FBXO39: variants seen among roughly 807,000 people sequenced by gnomAD.
FBXO39 encodes F-box protein 39.
In FBXO39, 22 loss-of-function variants were observed where a neutral mutation model predicts 36.6. The observed-to-expected ratio is 0.60, with a 90% CI of 0.43 to 0.86. The LOEUF (loss-of-function observed/expected upper bound fraction) is 0.86, where lower values mean the gene tolerates loss of function less well. Among genes scored for constraint, FBXO39 ranks in the 40% least tolerant of loss-of-function variants. FBXO39 has a pLI of 0.00. For synonymous variants in FBXO39, 206 were observed against 205.8 expected (o/e 1.00, Z -0.01); for missense variants, 536 against 543.9 (o/e 0.99, Z 0.14).
chr17:6,777,813 G>A lies in FBXO39; in HGVS notation c.-81+1541G>A, dbSNP rs1023842471. ...TAGCAGAAGGAGGCAAGCTAAATACGGACACAGCCATGCTGGGAACCACTA... is the reference window on the plus strand; with the variant it reads ...TAGCAGAAGGAGGCAAGCTAAATACAGACACAGCCATGCTGGGAACCACTA... On this transcript the variant is annotated intron_variant, in intron 1 of 3. Coordinates refer to ENST00000321535, the MANE Select transcript of FBXO39 (RefSeq NM_153230.3). 9.8e-4 allele frequency among the ~76,000 whole-genome samples: 149 copies of A among 152,200 alleles called. 1 individual carries two copies. The highest frequency in any genetic ancestry group is 3.3e-3 in the African/African-American group (135 of 41,444).
chr17:6,781,709 T>C (rs1000063722), intron 2 of FBXO39, among the ~76,000 whole-genome samples: 1 of 152,088 alleles, frequency 6.6e-6, no homozygotes, highest in Non-Finnish European at 1.5e-5. Flanking sequence ...GTACACTGCC[T>C]CCAAATTCCA....
At chr17:6,784,138 TAAC>T (rs1405013035) in intron 2 of FBXO39, among the ~76,000 whole-genome samples, 3 of 152,196 alleles carry the variant, frequency 2.0e-5, no homozygotes, top group African/African-American at 7.2e-5. Context: ...TGACACCTCA[TAAC>T]AACAGAATGA....
chr17:6,784,953 G>GTATATATATATATATATATATATATA (rs1235738371), intron 2 of FBXO39, among the ~76,000 whole-genome samples: 8 of 113,818 alleles, frequency 7.0e-5, no homozygotes, highest in African/African-American at 2.2e-4. Flanking sequence ...GTGTGTGTGT[G>GTATATATATATATATATATATATATA]TATATATATA....
intron 2 of FBXO39, 101 bp downstream of exon 2, chr17:6,780,992 T>C: frequency 7.8e-7 from 1 of 1,280,862 alleles, no homozygotes. Context: ...AAATGTTCAC[T>C]CAATCTCAAA....
At chr17:6,787,103 G>A (rs2151575786) in intron 3 of FBXO39, 147 bp downstream of exon 3, 3 of 1,310,184 alleles carry the variant, frequency 2.3e-6, no homozygotes, top group Non-Finnish European at 3.1e-6. Flanking sequence ...GGAATCTGGA[G>A]CTCTCTTTTC....
chr17:6,779,110 G>A (rs1357311087), intron 1 of FBXO39, among the ~76,000 whole-genome samples: 1 of 152,102 alleles, frequency 6.6e-6, no homozygotes, highest in Admixed American at 6.5e-5. Context: ...AATGTAGCTA[G>A]ATACAGGAAG....
Position 6,780,070 on chromosome 17 carries a change from TC to T in FBXO39, c.204del (p.Arg69GlyfsTer29). 1 of 1,614,196 alleles carries T rather than the reference TC, an allele frequency of 6.2e-7. No individual in the cohort carries two copies. The highest frequency in any genetic ancestry group is 8.5e-7 in the Non-Finnish European group (1 of 1,180,036). ...AACCATCACCTTCAGCGGGAGACCT[TC>T]CAGGGTACATGCATCTGAAGTTGAG... ...YRTITFSGRP[S>X]RVHASEVESA... On this transcript the variant is annotated frameshift_variant, in exon 2 of 4. Transcript: ENST00000321535. LOFTEE classifies it high-confidence loss of function.
At chr17:6,786,736 A>C in intron 2 of FBXO39, 44 bp from the exon 3 acceptor site, 1 of 1,528,612 alleles carries the variant, frequency 6.5e-7, no homozygotes, top group East Asian at 2.3e-5. Context: ...AGCCAGGCTC[A>C]GCATCTCTGC....
intron 2 of FBXO39, among the ~76,000 whole-genome samples, chr17:6,785,383 T>C (rs1976558978): frequency 6.6e-6 from 1 of 152,152 alleles, no homozygotes; most frequent in African/African-American, 2.4e-5. Context: ...CCTCAAACTA[T>C]GAAACTGCTA....
In FBXO39 at chr17:6,780,562, A is replaced by T; in HGVS notation, c.694A>T (p.Asn232Tyr). ...CCACAATCTTGTGTCCCTGAACCTC[A>T]ACTACAACTGTATCTCCGACGAGCT... Reference protein sequence around the residue: ...TFHNLVSLNLNYNCISDELLE... With the variant: ...TFHNLVSLNLYYNCISDELLE... The change falls in exon 2 of 4, where the codon AAC (asparagine) becomes TAC (tyrosine). Residue 232 changes from asparagine to tyrosine, a missense_variant. Physicochemically the swap from Asn to Tyr is moderately radical, Grantham distance 143. Transcript: ENST00000321535. The T allele has an allele frequency of 6.2e-7, 1 of 1,614,086 alleles. No homozygotes were observed. Among genetic ancestry groups the T allele is most frequent in the East Asian group, 2.2e-5 (1 of 44,866 alleles).
intron 3 of FBXO39, 52 bp from the exon 4 acceptor site, chr17:6,787,248 G>A: frequency 2.0e-6 from 3 of 1,533,760 alleles, no homozygotes; most frequent in Non-Finnish European, 2.6e-6. Context: ...ATGTGTGTGT[G>A]TGTGTGCGTG....
At chr17:6,784,929 A>ATATATATATATATGTGTGTGTGTG (rs1491434533) in intron 2 of FBXO39, among the ~76,000 whole-genome samples, 2 of 136,214 alleles carry the variant, frequency 1.5e-5, no homozygotes, top group African/African-American at 3.1e-5. Context: ...ATATATATAT[A>ATATATATATATATGTGTGTGTGTG]TGTGTGTGTG....
chr17:6,787,101 G>A, intron 3 of FBXO39, 145 bp downstream of exon 3: 1 of 1,310,620 alleles, frequency 7.6e-7, no homozygotes, highest in Non-Finnish European at 1.0e-6. Context: ...AGGGAATCTG[G>A]AGCTCTCTTT....
chr17:6,777,622 C>T (rs2151572131), intron 1 of FBXO39, among the ~76,000 whole-genome samples: 1 of 152,276 alleles, frequency 6.6e-6, no homozygotes. Flanking sequence ...CTGTGGAGAT[C>T]CCTAGCCTTG....
At chr17:6,779,057 C>A (rs976814109) in intron 1 of FBXO39, among the ~76,000 whole-genome samples, 1 of 152,166 alleles carries the variant, frequency 6.6e-6, no homozygotes, top group Non-Finnish European at 1.5e-5. Flanking sequence ...GTTTTCCACC[C>A]TGTTCTGCTG....
chr17:6,779,566 G>A (rs1014429229), intron 1 of FBXO39, among the ~76,000 whole-genome samples: 1 of 152,140 alleles, frequency 6.6e-6, no homozygotes, highest in African/African-American at 2.4e-5. Context: ...CTATGAGTCT[G>A]CCTGAACCTT....
Position 6,787,548 on chromosome 17 carries a change from T to C in FBXO39, c.*120T>C, listed in dbSNP as rs1221007683. 2.8e-4 allele frequency: 306 copies of C among 1,108,394 alleles called. No homozygotes were observed. Among genetic ancestry groups the C allele is most frequent in the Non-Finnish European group, 3.4e-4 (264 of 786,624 alleles). The allele number at this position is 1,108,394 out of a possible 1,614,324, so 68.7% of individuals were successfully genotyped here. ...CTCTCTCTCCCCTCCACTTTTTTTT[T>C]TTGTCAGCTCCATGACAACATGACC... is the stretch of plus-strand genomic sequence containing the variant. On this transcript the variant is annotated 3_prime_UTR_variant, in exon 4 of 4. Transcript: ENST00000321535.
chr17:6,787,369 T>A lies in FBXO39; in HGVS notation c.1270T>A (p.Tyr424Asn). ...DKTLQEIYRK[Y>N]RKLIESELSY... ...GACCCTGCAGGAAATTTACAGGAAGTACAGAAAGCTGATCGAATCAGAGCT... is the reference window on the plus strand; with the variant it reads ...GACCCTGCAGGAAATTTACAGGAAGAACAGAAAGCTGATCGAATCAGAGCT... The change falls in exon 4 of 4, where the codon TAC (tyrosine) becomes AAC (asparagine). Residue 424 changes from tyrosine to asparagine, a missense_variant. Tyr to Asn is a moderately radical substitution (Grantham distance 143). Coordinates refer to ENST00000321535, the MANE Select transcript of FBXO39 (RefSeq NM_153230.3). The A allele has an allele frequency of 6.2e-7, 1 of 1,614,038 alleles. No individual in the cohort carries two copies. The highest frequency in any genetic ancestry group is 2.2e-5 in the East Asian group (1 of 44,884).
chr17:6,786,703 G>A (rs1046550709), intron 2 of FBXO39, 77 bp from the exon 3 acceptor site: 13 of 1,291,894 alleles, frequency 1.0e-5, no homozygotes, highest in South Asian at 1.5e-5. Context: ...GAGCCAGGTC[G>A]TGGAAATGTT....
Sources: gnomAD v4.1 joint callset for allele counts (sites outside exome capture counted in the v4.1 genomes callset) on GRCh38, gnomAD v4.1.1 for gene constraint, MANE v1.5 for transcripts, NCBI Gene and HGNC (gene_info 2026-07-23, HGNC 2026-07-21) for gene names.